The following MYO3B variants were observed in gnomAD, a reference collection of about 807,000 sequenced individuals.
The protein encoded by MYO3B is myosin IIIB, also known as myosin-IIIb.
MYO3B carries 156 observed loss-of-function variants against 174.6 expected under a neutral mutation model. The observed-to-expected ratio is 0.89, with a 90% CI of 0.78 to 1.02. The LOEUF is 1.02. MYO3B is among the 50% of genes least tolerant of loss of function. The probability of loss-of-function intolerance (pLI) is 0.00; values close to 1 mark genes in which losing one functional copy is unlikely to be tolerated. For missense variants in MYO3B, 1,632 were observed against 1,639.4 expected, an observed-to-expected ratio of 1.00 and a Z score of 0.08; for synonymous variants, 563 against 569.1, an observed-to-expected ratio of 0.99 and a Z score of 0.15.
chr2:170,312,358 T>C (rs2093745850), intron 7 of MYO3B, among the ~76,000 whole-genome samples: 2 of 152,266 alleles, frequency 1.3e-5, no homozygotes, highest in African/African-American at 4.8e-5. Context: ...CATTTACTTA[T>C]CTATGAGCAC....
At chr2:170,314,135 T>A (rs951773943) in intron 7 of MYO3B, among the ~76,000 whole-genome samples, 5 of 152,176 alleles carry the variant, frequency 3.3e-5, no homozygotes, top group African/African-American at 1.2e-4. Flanking sequence ...TCTTTTATTA[T>A]GTTTATTTAG....
chr2:170,372,118 CA>C (rs769243145), intron 9 of MYO3B, among the ~76,000 whole-genome samples: 162 of 22,200 alleles, frequency 7.3e-3, no homozygotes, highest in East Asian at 0.013. Flanking sequence ...GACCCTGTCT[CA>C]AAAAAAAAAA....
intron 32 of MYO3B, among the ~76,000 whole-genome samples, chr2:170,643,248 C>CAA (rs1698116178): frequency 6.6e-6 from 1 of 152,082 alleles, no homozygotes; most frequent in African/African-American, 2.4e-5. Context: ...ATGAAGTAAA[C>CAA]AAAAAGTACT....
chr2:170,304,215 C>A (rs141956821), intron 7 of MYO3B, among the ~76,000 whole-genome samples: 2,542 of 152,142 alleles, frequency 0.017, 81 homozygotes, highest in African/African-American at 0.058. Flanking sequence ...GTTATTCTAA[C>A]AAAATGGCCA....
intron 8 of MYO3B, among the ~76,000 whole-genome samples, chr2:170,363,481 T>C (rs1192316222): frequency 6.6e-6 from 1 of 152,174 alleles, no homozygotes; most frequent in Non-Finnish European, 1.5e-5. Flanking sequence ...AGCATTATTG[T>C]CTTGGAGCAG....
chr2:170,373,292 G>A (rs149432503), intron 9 of MYO3B, among the ~76,000 whole-genome samples: 79 of 152,262 alleles, frequency 5.2e-4, no homozygotes, highest in South Asian at 2.1e-3. Context: ...TGCAAGACAC[G>A]TCTTCATAGT....
At chr2:170,332,801 C>T (rs1224551368) in intron 7 of MYO3B, among the ~76,000 whole-genome samples, 2 of 152,130 alleles carry the variant, frequency 1.3e-5, no homozygotes, top group African/African-American at 4.8e-5. Flanking sequence ...AACAATACCC[C>T]TTTGCATATT....
intron 32 of MYO3B, among the ~76,000 whole-genome samples, chr2:170,607,372 G>C (rs1262712773): frequency 6.6e-6 from 1 of 152,182 alleles, no homozygotes; most frequent in Non-Finnish European, 1.5e-5. Flanking sequence ...GGTCAGCTGC[G>C]GCTCTGCTCT....
intron 3 of MYO3B, among the ~76,000 whole-genome samples, chr2:170,211,395 G>A (rs1037900087): frequency 7.9e-5 from 12 of 152,120 alleles, no homozygotes; most frequent in Non-Finnish European, 1.2e-4. Context: ...CTTATTACCC[G>A]ATTTTAGCCA....
intron 23 of MYO3B, among the ~76,000 whole-genome samples, chr2:170,461,735 C>T (rs1684300829): frequency 6.6e-6 from 1 of 151,256 alleles, no homozygotes; most frequent in Non-Finnish European, 1.5e-5. Flanking sequence ...GAGATCGCGC[C>T]ATTGCACTCC....
At chr2:170,447,478 C>T (rs758908108) in intron 23 of MYO3B, among the ~76,000 whole-genome samples, 1 of 152,166 alleles carries the variant, frequency 6.6e-6, no homozygotes, top group African/African-American at 2.4e-5. Context: ...CTTCAGTTTT[C>T]ATTTATTGCC....
At chr2:170,584,531 T>C (rs1262808297) in intron 32 of MYO3B, among the ~76,000 whole-genome samples, 1 of 152,242 alleles carries the variant, frequency 6.6e-6, no homozygotes, top group Non-Finnish European at 1.5e-5. Flanking sequence ...TACAGTTCTC[T>C]TCAACTATCT....
intron 32 of MYO3B, among the ~76,000 whole-genome samples, chr2:170,558,157 C>T (rs1444026388): frequency 2.6e-5 from 4 of 151,972 alleles, no homozygotes; most frequent in African/African-American, 7.3e-5. Context: ...AAAAATTAGC[C>T]GAGCATGGTG....
intron 32 of MYO3B, among the ~76,000 whole-genome samples, chr2:170,592,960 C>A (rs559139167): frequency 6.6e-6 from 1 of 151,614 alleles, no homozygotes; most frequent in Admixed American, 6.6e-5. Context: ...AGATATATAT[C>A]TATAGATAGA....
Position 170,505,848 on chromosome 2 carries a change from A to C in MYO3B, c.3370+3983A>C, listed in dbSNP as rs568176632. On this transcript the variant is annotated intron_variant, in intron 28 of 34. Coordinates refer to ENST00000408978, the MANE Select transcript of MYO3B (RefSeq NM_138995.5). The stretch of plus-strand genomic sequence containing the variant: ...AGCACCTCACTGCTTCTCCCCACAC[A>C]CACGCACAGGAGTCGGAAGAGACGC... Among the ~76,000 whole-genome samples the C allele has an allele frequency of 3.3e-5, 5 of 152,338 alleles. No homozygotes were observed. In the South Asian group the frequency reaches 1.0e-3, roughly 32 times the overall value.
At chr2:170,389,147 T>A (rs1045155050) in intron 14 of MYO3B, among the ~76,000 whole-genome samples, 3 of 152,228 alleles carry the variant, frequency 2.0e-5, no homozygotes, top group Non-Finnish European at 4.4e-5. Context: ...ATATGCAACA[T>A]GGGCATAATA....
At chr2:170,182,452 C>T (rs1290178510) in intron 1 of MYO3B, among the ~76,000 whole-genome samples, 2 of 152,050 alleles carry the variant, frequency 1.3e-5, no homozygotes, top group African/African-American at 4.8e-5. Flanking sequence ...TTTGAGTCTA[C>T]TTTTGGTTTC....
At chr2:170,313,338 G>C (rs977871270) in intron 7 of MYO3B, among the ~76,000 whole-genome samples, 1 of 152,174 alleles carries the variant, frequency 6.6e-6, no homozygotes, top group African/African-American at 2.4e-5. Flanking sequence ...GCCAAACATA[G>C]TGCTCAGTAA....
intron 32 of MYO3B, chr2:170,644,514 TGACCTC>T (rs1698224777): frequency 6.6e-6 from 1 of 152,364 alleles, no homozygotes; most frequent in Non-Finnish European, 1.5e-5. Context: ...TTTGAACTCC[TGACCTC>T]AGGCCATCAG....
Sources: allele counts gnomAD v4.1 joint callset (sites outside exome capture counted in the v4.1 genomes callset), GRCh38; gene constraint gnomAD v4.1.1; transcripts MANE v1.5; gene names NCBI Gene and HGNC (gene_info 2026-07-23, HGNC 2026-07-21).